NLRC4: variants seen among roughly 807,000 people sequenced by gnomAD.
NLRC4 encodes NLR family CARD domain-containing protein 4.
Under a neutral mutation model 79.9 loss-of-function variants are expected in NLRC4, and 63 were observed. That is an observed-to-expected ratio of 0.79 (90% CI 0.64 to 0.97). NLRC4 has a LOEUF of 0.97. NLRC4 is among the 50% of genes least tolerant of loss of function. The pLI, the probability that NLRC4 is intolerant of heterozygous loss-of-function variation, is 0.00. For synonymous variants in NLRC4, 461 were observed against 456.5 expected (o/e 1.01, Z -0.12); for missense variants, 1,074 against 1,215.2 (o/e 0.88, Z 1.73).
chr2:32,238,216 T>G lies in NLRC4; in HGVS notation c.2437A>C (p.Lys813Gln), dbSNP rs1334438675. ...DIGEGMDYIV[K>Q]SLSSEPCDLE... ...TCACAGGGTTCACTTGACAGAGACT[T>G]GACTATGTAATCCATTCCCTCTCCA... Residue 813 changes from lysine to glutamine, a missense_variant, in exon 6 of 9, where the codon AAG (lysine) becomes CAG (glutamine). Physicochemically the swap from Lys to Gln is moderately conservative, Grantham distance 53. Transcript: ENST00000402280. 1 of 1,613,434 alleles carries G rather than the reference T, an allele frequency of 6.2e-7. No homozygotes were observed. Among genetic ancestry groups the G allele is most frequent in the Non-Finnish European group, 8.5e-7 (1 of 1,179,520 alleles).
intron 4 of NLRC4, among the ~76,000 whole-genome samples, chr2:32,249,152 T>C (rs749649573): frequency 2.6e-5 from 4 of 152,208 alleles, no homozygotes; most frequent in African/African-American, 7.2e-5. Flanking sequence ...CTGGGCCACA[T>C]TGGAAGAATT....
At chr2:32,247,871 G>GAAAAATAAAAAAAAAGAA (rs1379351120) in intron 4 of NLRC4, among the ~76,000 whole-genome samples, 31 of 152,174 alleles carry the variant, frequency 2.0e-4, no homozygotes, top group Admixed American at 3.9e-4. Context: ...CAGCAACATT[G>GAAAAATAAAAAAAAAGAA]ATGGAACCGG....
chr2:32,241,100 G>C lies in NLRC4; in HGVS notation c.2283C>G (p.Asn761Lys). The C allele has an allele frequency of 6.2e-7, 1 of 1,608,192 alleles. No homozygotes were observed. The highest frequency in any genetic ancestry group is 1.1e-5 in the South Asian group (1 of 90,318). The change falls in exon 5 of 9, where the codon AAC becomes AAG. Residue 761 changes from asparagine (N) to lysine (K), a missense_variant. Physicochemically the swap from Asn to Lys is moderately conservative, Grantham distance 94 (BLOSUM62 0). Coordinates refer to ENST00000402280, the MANE Select transcript of NLRC4 (RefSeq NM_001199138.2). ...LPGGLTDSLG[N>K]LKNLTKLIMD... The stretch of plus-strand genomic sequence containing the variant: ...TTATGAGCTTTGTAAGGTTCTTCAA[G>C]TTACCCAAGCTGTCAGTCAGACCAC...
At chr2:32,225,870 G>A (rs151290758) in intron 8 of NLRC4, among the ~76,000 whole-genome samples, 1,693 of 152,306 alleles carry the variant, frequency 0.011, 19 homozygotes, top group Non-Finnish European at 0.017. Context: ...ACTTTGGAGG[G>A]TTAATTTGTT....
intron 4 of NLRC4, among the ~76,000 whole-genome samples, chr2:32,241,601 A>G (rs570563178): frequency 6.6e-6 from 1 of 152,124 alleles, no homozygotes; most frequent in Admixed American, 6.5e-5. Context: ...GATGGTCTCA[A>G]TCTCCTGACC....
chr2:32,231,079 G>A (rs967532047), intron 8 of NLRC4, among the ~76,000 whole-genome samples: 4 of 152,062 alleles, frequency 2.6e-5, no homozygotes, highest in African/African-American at 9.7e-5. Flanking sequence ...ATCTTCCTTG[G>A]TGAAATGTCT....
At chr2:32,255,833 T>C (rs1022836239) in intron 2 of NLRC4, among the ~76,000 whole-genome samples, 1 of 151,696 alleles carries the variant, frequency 6.6e-6, no homozygotes, top group Non-Finnish European at 1.5e-5. Context: ...GCTAATATGG[T>C]GAAACCTCGT....
chr2:32,254,953 G>T (rs549347248), intron 2 of NLRC4, among the ~76,000 whole-genome samples: 2 of 151,910 alleles, frequency 1.3e-5, no homozygotes, highest in South Asian at 4.2e-4. Context: ...ACTGATCAGA[G>T]AGGGAATGCA....
chr2:32,229,008 C>A (rs551764224), intron 8 of NLRC4, among the ~76,000 whole-genome samples: 2 of 151,382 alleles, frequency 1.3e-5, no homozygotes, highest in African/African-American at 4.8e-5. Context: ...TCAAGTGATA[C>A]ACCCACCTTG....
chr2:32,243,165 C>G (rs1392257711), intron 4 of NLRC4, among the ~76,000 whole-genome samples: 1 of 152,030 alleles, frequency 6.6e-6, no homozygotes, highest in East Asian at 1.9e-4. Flanking sequence ...AATCCCAGCA[C>G]TTTGGGAGGG....
At chr2:32,257,376 G>A (rs889361009) in intron 1 of NLRC4, among the ~76,000 whole-genome samples, 3 of 152,208 alleles carry the variant, frequency 2.0e-5, no homozygotes, top group Admixed American at 1.3e-4. Flanking sequence ...GGGAGGCCGA[G>A]GCAGGCGGAT....
chr2:32,249,291 G>A (rs924648703), intron 4 of NLRC4, among the ~76,000 whole-genome samples: 1 of 152,172 alleles, frequency 6.6e-6, no homozygotes, highest in Admixed American at 6.5e-5. Flanking sequence ...AAGTGAACAT[G>A]GGTTGTATGT....
At chr2:32,255,407 C>G (rs894391909) in intron 2 of NLRC4, among the ~76,000 whole-genome samples, 8 of 151,710 alleles carry the variant, frequency 5.3e-5, no homozygotes, top group Non-Finnish European at 1.0e-4. Context: ...GTAATCCCAG[C>G]TACTCGGGAG....
intron 1 of NLRC4, among the ~76,000 whole-genome samples, chr2:32,258,119 G>A (rs1329897413): frequency 1.3e-5 from 2 of 152,136 alleles, no homozygotes; most frequent in Admixed American, 1.3e-4. Context: ...AGCCAGAAGG[G>A]AGATGGTTTT....
At chr2:32,255,442 C>T (rs1238221625) in intron 2 of NLRC4, among the ~76,000 whole-genome samples, 1 of 150,716 alleles carries the variant, frequency 6.6e-6, no homozygotes, top group East Asian at 2.0e-4. Context: ...ATCACTTGAA[C>T]CTGGGAAGCA....
At chr2:32,248,960 A>G (rs1687002004) in intron 4 of NLRC4, among the ~76,000 whole-genome samples, 1 of 152,200 alleles carries the variant, frequency 6.6e-6, no homozygotes, top group Admixed American at 6.5e-5. Flanking sequence ...CTTTGATTGG[A>G]GAAGAGAGTG....
chr2:32,263,745 G>A (rs1249273742), intron 1 of NLRC4, among the ~76,000 whole-genome samples: 6 of 152,128 alleles, frequency 3.9e-5, no homozygotes, highest in Admixed American at 3.9e-4. Flanking sequence ...AGAACTGTGG[G>A]AATATAAATT....
intron 4 of NLRC4, among the ~76,000 whole-genome samples, chr2:32,243,964 C>G (rs1686869670): frequency 6.6e-6 from 1 of 150,964 alleles, no homozygotes; most frequent in African/African-American, 2.4e-5. Context: ...TGACATAATC[C>G]AACATCCAGG....
intron 1 of NLRC4, 114 bp from the exon 2 acceptor site, chr2:32,257,007 A>T: frequency 2.0e-6 from 1 of 488,930 alleles, no homozygotes; most frequent in Non-Finnish European, 3.7e-6. Context: ...ACCAGAAAAA[A>T]ACTCGCTCAA....
Sources: gnomAD v4.1 joint callset for allele counts (sites outside exome capture counted in the v4.1 genomes callset) on GRCh38, gnomAD v4.1.1 for gene constraint, MANE v1.5 for transcripts, NCBI Gene and HGNC (gene_info 2026-07-23, HGNC 2026-07-21) for gene names.